Variants in DPYD observed in about 807,000 individuals in gnomAD.
DPYD encodes dihydropyrimidine dehydrogenase.
In DPYD, 109 loss-of-function variants were observed where a neutral mutation model predicts 116.2. The observed-to-expected ratio is 0.94, with a 90% CI of 0.80 to 1.10. DPYD has a LOEUF of 1.10. Among genes scored for constraint, DPYD ranks in the 50% least tolerant of loss-of-function variants. DPYD has a pLI of 0.00. For missense variants in DPYD, 1,302 were observed against 1,254.5 expected (o/e 1.04, Z -0.57); for synonymous variants, 440 against 432.0 (o/e 1.02, Z -0.23).
intron 13 of DPYD, among the ~76,000 whole-genome samples, chr1:97,508,587 C>T (rs1026211903): frequency 6.6e-5 from 10 of 151,982 alleles, no homozygotes; most frequent in Non-Finnish European, 1.2e-4. Flanking sequence ...GGTAGAAAGT[C>T]CTCAGTGTAA....
At chr1:97,825,180 A>T (rs920944548) in intron 3 of DPYD, among the ~76,000 whole-genome samples, 2 of 152,132 alleles carry the variant, frequency 1.3e-5, no homozygotes, top group Admixed American at 1.3e-4. Flanking sequence ...GACTGGGATC[A>T]GGAGGAAGCA....
intron 2 of DPYD, among the ~76,000 whole-genome samples, chr1:97,869,539 TCTCC>T (rs1348870672): frequency 6.6e-6 from 1 of 151,730 alleles, no homozygotes; most frequent in Non-Finnish European, 1.5e-5. Context: ...CTCTTTGCTC[TCTCC>T]CTATCTGCCT....
intron 20 of DPYD, among the ~76,000 whole-genome samples, chr1:97,139,636 TTA>T (rs1430905512): frequency 6.6e-6 from 1 of 152,190 alleles, no homozygotes; most frequent in African/African-American, 2.4e-5. Context: ...AAAAGATTTT[TTA>T]TGTTTACGAA....
At chr1:97,572,859 T>C (rs867282479) in intron 11 of DPYD, among the ~76,000 whole-genome samples, 26 of 152,138 alleles carry the variant, frequency 1.7e-4, no homozygotes, top group African/African-American at 5.8e-4. Flanking sequence ...AAAATATACA[T>C]TTTCATGTAT....
chr1:97,340,073 C>T (rs1386160190), intron 16 of DPYD, among the ~76,000 whole-genome samples: 1 of 151,664 alleles, frequency 6.6e-6, no homozygotes, highest in Non-Finnish European at 1.5e-5. Context: ...ATGCAATTTC[C>T]AAATTAAGAG....
At chr1:97,257,435 G>GTATATATATATATA (rs60425146) in intron 18 of DPYD, among the ~76,000 whole-genome samples, 18 of 136,134 alleles carry the variant, frequency 1.3e-4, no homozygotes, top group African/African-American at 4.7e-4. Context: ...ATATACATAC[G>GTATATATATATATA]TATATATATA....
chr1:97,419,819 T>C (rs971148739), intron 14 of DPYD, among the ~76,000 whole-genome samples: 1 of 152,210 alleles, frequency 6.6e-6, no homozygotes, highest in Non-Finnish European at 1.5e-5. Flanking sequence ...AAAGAGTGCA[T>C]GTATTCAAAA....
intron 3 of DPYD, among the ~76,000 whole-genome samples, chr1:97,761,978 G>A (rs1665599736): frequency 6.6e-6 from 1 of 152,084 alleles, no homozygotes; most frequent in South Asian, 2.1e-4. Flanking sequence ...GCACAAGGAA[G>A]GAACACAAGG....
chr1:97,462,588 T>C (rs1354908801), intron 13 of DPYD, among the ~76,000 whole-genome samples: 1 of 152,080 alleles, frequency 6.6e-6, no homozygotes, highest in Non-Finnish European at 1.5e-5. Context: ...GGTATTAACA[T>C]TAAAACAGAG....
intron 2 of DPYD, among the ~76,000 whole-genome samples, chr1:97,853,169 A>T (rs898530567): frequency 6.6e-6 from 1 of 152,176 alleles, no homozygotes; most frequent in African/African-American, 2.4e-5. Context: ...CTATGTATAA[A>T]TGTCTGTTGC....
At chr1:97,095,883 C>T (rs1052205377) in intron 21 of DPYD, 4 of 152,190 alleles carry the variant, frequency 2.6e-5, no homozygotes, top group South Asian at 4.1e-4. Flanking sequence ...TGAGTATGGA[C>T]ATTCTGGGGA....
At chr1:97,195,307 G>C (rs1355745172) in intron 19 of DPYD, among the ~76,000 whole-genome samples, 2 of 151,822 alleles carry the variant, frequency 1.3e-5, no homozygotes, top group Non-Finnish European at 2.9e-5. Context: ...ATCATGTCAT[G>C]CATGAATGAA....
chr1:97,545,015 A>G (rs764848468), intron 12 of DPYD, among the ~76,000 whole-genome samples: 8 of 152,186 alleles, frequency 5.3e-5, no homozygotes, highest in Non-Finnish European at 1.2e-4. Context: ...ATTTCTGGTC[A>G]ATCAAAATTA....
At chr1:97,840,945 A>G (rs1398108907) in intron 2 of DPYD, among the ~76,000 whole-genome samples, 1 of 152,134 alleles carries the variant, frequency 6.6e-6, no homozygotes, top group African/African-American at 2.4e-5. Flanking sequence ...CACTGGAAGA[A>G]AGTGTAGGTG....
At chr1:97,877,199 G>A (rs1671965540) in intron 2 of DPYD, among the ~76,000 whole-genome samples, 1 of 152,012 alleles carries the variant, frequency 6.6e-6, no homozygotes, top group Admixed American at 6.6e-5. Flanking sequence ...GTAGAGAAGT[G>A]AGGGATAGAA....
At chr1:97,773,602 T>C (rs914251950) in intron 3 of DPYD, among the ~76,000 whole-genome samples, 1 of 151,930 alleles carries the variant, frequency 6.6e-6, no homozygotes, top group Non-Finnish European at 1.5e-5. Context: ...CAGCTGGACA[T>C]TGAGTGGAAC....
chr1:97,522,378 GAC>G (rs755085776), intron 12 of DPYD, among the ~76,000 whole-genome samples: 77 of 152,176 alleles, frequency 5.1e-4, no homozygotes, highest in Non-Finnish European at 9.0e-4. Flanking sequence ...GCTCCTTGAG[GAC>G]AGTGACCAAA....
intron 11 of DPYD, among the ~76,000 whole-genome samples, chr1:97,563,031 T>G (rs375796036): frequency 6.6e-6 from 1 of 152,166 alleles, no homozygotes; most frequent in South Asian, 2.1e-4. Context: ...ATATCTAATT[T>G]AACCAGAGTA....
intron 2 of DPYD, among the ~76,000 whole-genome samples, chr1:97,864,967 T>C (rs577119614): frequency 3.2e-4 from 49 of 152,048 alleles, no homozygotes; most frequent in African/African-American, 1.0e-3. Context: ...TGAATGCTTC[T>C]AGTTGTAATA....
Sources: gnomAD v4.1 joint callset for allele counts (sites outside exome capture counted in the v4.1 genomes callset) on GRCh38, gnomAD v4.1.1 for gene constraint, MANE v1.5 for transcripts, NCBI Gene and HGNC (gene_info 2026-07-23, HGNC 2026-07-21) for gene names.